The following TSHZ3 variants were observed in gnomAD, a reference collection of about 807,000 sequenced individuals.
TSHZ3 encodes the protein teashirt homolog 3.
A neutral mutation model predicts 64.5 loss-of-function variants in TSHZ3; 10 were observed. The ratio of observed to expected loss-of-function variants is 0.16; its 90% CI spans 0.10 to 0.26. The LOEUF (loss-of-function observed/expected upper bound fraction) is 0.26, where lower values mean the gene tolerates loss of function less well. Among genes scored for constraint, TSHZ3 ranks in the 10% least tolerant of loss-of-function variants. TSHZ3 has a pLI of 1.00. For synonymous variants in TSHZ3, 608 were observed against 593.1 expected, an observed-to-expected ratio of 1.03 and a Z score of -0.36; for missense variants, 1,242 against 1,421.7, an observed-to-expected ratio of 0.87 and a Z score of 2.03.
chr19:31,174,543 G>A (rs1599560549), intron 5 of TSHZ3, among the ~76,000 whole-genome samples: 1 of 152,194 alleles, frequency 6.6e-6, no homozygotes, highest in African/African-American at 2.4e-5. Flanking sequence ...CACCTAAAAT[G>A]AACCATCACA....
chr19:31,218,606 G>A (rs1432375342), intron 4 of TSHZ3, among the ~76,000 whole-genome samples: 2 of 152,220 alleles, frequency 1.3e-5, no homozygotes, highest in Non-Finnish European at 2.9e-5. Flanking sequence ...ACGTGGATAT[G>A]TGTAATAGGT....
At chr19:31,264,603 T>C (rs1335374443) in intron 1 of TSHZ3, among the ~76,000 whole-genome samples, 1 of 152,232 alleles carries the variant, frequency 6.6e-6, no homozygotes, top group Non-Finnish European at 1.5e-5. Context: ...TCCAGCCACC[T>C]GCTGTCATGC....
intron 1 of TSHZ3, among the ~76,000 whole-genome samples, chr19:31,252,784 G>T (rs1975859200): frequency 6.6e-6 from 1 of 152,150 alleles, no homozygotes; most frequent in African/African-American, 2.4e-5. Flanking sequence ...AGTAGTATGA[G>T]AATGGACTAA....
In TSHZ3 at chr19:31,277,874, C is replaced by A; in HGVS notation, c.1919G>T (p.Arg640Leu). 1 of 1,608,162 alleles carries A rather than the reference C, an allele frequency of 6.2e-7. No homozygotes were observed. The highest frequency in any genetic ancestry group is 8.5e-7 in the Non-Finnish European group (1 of 1,177,482). ...GCTGCTACATGGGGAGGGAGTGGCC[C>A]GCTTGGGCGGGGAAAGCTTCCCATC... Reference protein sequence around the residue: ...EPDGKLSPPKRATPSPCSSEV... With the variant: ...EPDGKLSPPKLATPSPCSSEV... The change falls in exon 2 of 2, where the codon CGG becomes CTG. Residue 640 changes from arginine (R) to leucine (L), a missense_variant. Physicochemically the swap from Arg to Leu is moderately radical, Grantham distance 102. Transcript: ENST00000240587. This position sits in a 1 kb window ranked among gnomAD's most constrained non-coding sequence, Gnocchi z 4.5.
At chr19:31,237,084 GC>G (rs1191389101) in intron 3 of TSHZ3, among the ~76,000 whole-genome samples, 2 of 152,224 alleles carry the variant, frequency 1.3e-5, no homozygotes, top group African/African-American at 4.8e-5. Flanking sequence ...GGGAGCAGAG[GC>G]TGCAGTGCAC....
At chr19:31,250,635 G>A (rs1036434780) in intron 1 of TSHZ3, among the ~76,000 whole-genome samples, 6 of 152,172 alleles carry the variant, frequency 3.9e-5, no homozygotes, top group Non-Finnish European at 5.9e-5. Flanking sequence ...TAATAAAACC[G>A]TTTTGGGGGA....
rs1281294851 is a variant in TSHZ3 at position 31,312,530 on chromosome 19, CCT to C, written c.41-32780_41-32779del. On this transcript the variant is annotated intron_variant, in intron 1 of 1. Coordinates refer to ENST00000240587, the MANE Select transcript of TSHZ3 (RefSeq NM_020856.4). Reference sequence around the variant, plus strand: ...CCTGAACCCCTTGGCTTCCTAATGTCCTCTCTCTTCCTCTTTAGAAAAGACAC... The same window carrying C: ...CCTGAACCCCTTGGCTTCCTAATGTCCTCTCTTCCTCTTTAGAAAAGACAC... Among the ~76,000 whole-genome samples, 3 of 152,272 alleles carry C rather than the reference CCT, an allele frequency of 2.0e-5. No homozygotes were observed. In the East Asian group the frequency reaches 5.8e-4, roughly 29 times the overall value.
chr19:31,154,442 T>A (rs1272247334), intron 6 of TSHZ3, among the ~76,000 whole-genome samples: 1 of 152,096 alleles, frequency 6.6e-6, no homozygotes, highest in Non-Finnish European at 1.5e-5. Context: ...CCTTCATTCC[T>A]CAGTGGACAG....
intron 3 of TSHZ3, among the ~76,000 whole-genome samples, chr19:31,237,390 A>T (rs1975632011): frequency 6.6e-6 from 1 of 152,188 alleles, no homozygotes; most frequent in Non-Finnish European, 1.5e-5. Flanking sequence ...ATTCTTTAAA[A>T]TATGCATATA....
chr19:31,172,548 G>A (rs528445884), intron 5 of TSHZ3, among the ~76,000 whole-genome samples: 5 of 152,142 alleles, frequency 3.3e-5, no homozygotes, highest in Non-Finnish European at 7.3e-5. Flanking sequence ...CTTCAGCAGA[G>A]AACACACGCC....
chr19:31,188,579 T>A (rs1266954645), intron 5 of TSHZ3, among the ~76,000 whole-genome samples: 1 of 151,964 alleles, frequency 6.6e-6, no homozygotes, highest in Non-Finnish European at 1.5e-5. Context: ...ATCATATGGT[T>A]TTTTCCTTCT....
chr19:31,183,214 CTCTCTCTCTCTCTT>C lies in TSHZ3; in HGVS notation n.809+21728_809+21741del, dbSNP rs1277988189. On this transcript the variant is annotated intron_variant and non_coding_transcript_variant, in intron 5 of 6. Transcript: ENST00000651361. ...TCTCTCTCTCTCTCTCTCTCTCTCT[CTCTCTCTCTCTCTT>C]TCTCTCTCTCTCTCCATCCTTAGAG... Among the ~76,000 whole-genome samples the C allele has an allele frequency of 6.9e-3, 715 of 104,010 alleles. 5 individuals carry two copies. Among genetic ancestry groups the C allele is most frequent in the South Asian group, 0.017 (55 of 3,314 alleles). The allele number at this position is 104,010 out of a possible 152,430, so 68.2% of individuals were successfully genotyped here.
At chr19:31,253,760 G>T (rs888483777) in intron 1 of TSHZ3, among the ~76,000 whole-genome samples, 1 of 152,056 alleles carries the variant, frequency 6.6e-6, no homozygotes, top group Non-Finnish European at 1.5e-5. Context: ...CTTCTACCTC[G>T]CAACCCGGAT....
intron 1 of TSHZ3, among the ~76,000 whole-genome samples, chr19:31,283,018 TGG>T: frequency 6.6e-6 from 1 of 152,294 alleles, no homozygotes; most frequent in East Asian, 1.9e-4. Flanking sequence ...TTTTACCCAC[TGG>T]TTCTCCCCTC....
chr19:31,317,137 G>A (rs1285553854), intron 1 of TSHZ3, among the ~76,000 whole-genome samples: 1 of 151,928 alleles, frequency 6.6e-6, no homozygotes, highest in Non-Finnish European at 1.5e-5. Flanking sequence ...TTTTTCATCC[G>A]TCAACAAAAT....
At chr19:31,190,858 A>G (rs1974893384) in intron 5 of TSHZ3, among the ~76,000 whole-genome samples, 2 of 146,528 alleles carry the variant, frequency 1.4e-5, no homozygotes, top group Admixed American at 7.0e-5. Context: ...CCAAGTAATA[A>G]AAGCTATTTA....
At chr19:31,173,740 A>C (rs1380693330) in intron 5 of TSHZ3, among the ~76,000 whole-genome samples, 1 of 152,216 alleles carries the variant, frequency 6.6e-6, no homozygotes. Flanking sequence ...GTATTAGTCA[A>C]GGTTTTCCAG....
intron 1 of TSHZ3, chr19:31,308,579 G>C: frequency 2.5e-6 from 1 of 398,220 alleles, no homozygotes; most frequent in Non-Finnish European, 4.4e-6. Context: ...GGAGGTTTCG[G>C]AGCTCTGGGG....
At chr19:31,183,755 G>T (rs896834789) in intron 5 of TSHZ3, among the ~76,000 whole-genome samples, 1 of 152,140 alleles carries the variant, frequency 6.6e-6, no homozygotes, top group Non-Finnish European at 1.5e-5. Context: ...ACATTTCGAT[G>T]AGCAAGACAT....
Sources: allele counts gnomAD v4.1 joint callset (sites outside exome capture counted in the v4.1 genomes callset), GRCh38; gene constraint gnomAD v4.1.1; non-coding constraint Gnocchi (gnomAD v3.1); transcripts MANE v1.5; gene names NCBI Gene and HGNC (gene_info 2026-07-23, HGNC 2026-07-21).